FNDC7: variants seen among roughly 807,000 people sequenced by gnomAD.
FNDC7 encodes fibronectin type III domain containing 7, also known as fibronectin type III domain-containing protein 7.
In FNDC7, 66 loss-of-function variants were observed where a neutral mutation model predicts 74.2. The ratio of observed to expected loss-of-function variants is 0.89; its 90% CI spans 0.73 to 1.09. The LOEUF is 1.09. Among genes scored for constraint, FNDC7 ranks in the 50% least tolerant of loss-of-function variants. The probability of loss-of-function intolerance (pLI) is 0.00; values close to 1 mark genes in which losing one functional copy is unlikely to be tolerated. For synonymous variants in FNDC7, 307 were observed against 330.2 expected (o/e 0.93, Z 0.76); for missense variants, 829 against 893.4 (o/e 0.93, Z 0.92).
At chr1:108,713,577 A>G in intron 2 of FNDC7, 48 bp downstream of exon 2, 1 of 1,499,220 alleles carries the variant, frequency 6.7e-7, no homozygotes, top group Non-Finnish European at 9.0e-7. Flanking sequence ...TTTGATTTTA[A>G]TTTCCATTGT....
In FNDC7 at chr1:108,738,626, G is replaced by A. The variant is rs138913350; in HGVS notation, c.2170+1102G>A. Among the ~76,000 whole-genome samples the A allele has an allele frequency of 7.3e-3, 1,010 of 139,310 alleles. 11 individuals carry two copies. Among genetic ancestry groups the A allele is most frequent in the African/African-American group, 0.026 (966 of 37,116 alleles). 91.4% of individuals were successfully genotyped at this position (139,310 alleles called of 152,430 possible). On this transcript the variant is annotated intron_variant, in intron 11 of 12. Coordinates refer to ENST00000370017, the MANE Select transcript of FNDC7 (RefSeq NM_001144937.3). ...GCCTTCTTGCCCGTAAACCCCACTG[G>A]ACAGCCTTCCAGTCGGGGCTGGCTC...
chr1:108,718,186 T>C (rs1375139673), intron 3 of FNDC7, among the ~76,000 whole-genome samples, 155 bp downstream of exon 3: 1 of 152,232 alleles, frequency 6.6e-6, no homozygotes, highest in Non-Finnish European at 1.5e-5. Context: ...TGTTTGAGAA[T>C]TCAGCTATCT....
intron 6 of FNDC7, 78 bp from the exon 7 acceptor site, chr1:108,727,730 G>T: frequency 6.5e-7 from 1 of 1,543,560 alleles, no homozygotes; most frequent in Admixed American, 1.7e-5. Flanking sequence ...CTCTGGGCAT[G>T]GGAGGTCAGG....
intron 4 of FNDC7, 80 bp from the exon 5 acceptor site, chr1:108,722,255 G>T: frequency 7.3e-7 from 1 of 1,361,806 alleles, no homozygotes; most frequent in Non-Finnish European, 9.8e-7. Context: ...TTATCCTCCA[G>T]GCTCTGCAAC....
intron 7 of FNDC7, among the ~76,000 whole-genome samples, 174 bp from the exon 8 acceptor site, chr1:108,728,458 C>T (rs1474554377): frequency 6.6e-6 from 1 of 152,174 alleles, no homozygotes; most frequent in Non-Finnish European, 1.5e-5. Context: ...GAACCCAATG[C>T]CCTGTGTTAA....
intron 9 of FNDC7, among the ~76,000 whole-genome samples, chr1:108,732,430 T>A (rs1285632766): frequency 6.6e-6 from 1 of 151,990 alleles, no homozygotes; most frequent in African/African-American, 2.4e-5. Flanking sequence ...TATAAATGGC[T>A]GCACCTAAAG....
rs1442341404 is a variant in FNDC7 at position 108,742,684 on chromosome 1, T to C, written c.*797T>C. On this transcript the variant is annotated 3_prime_UTR_variant, in exon 13 of 13. Transcript: ENST00000370017. Reference sequence around the variant, plus strand: ...GCCATATCCCCCACTCATATTGTAATTACTTTTTTCATCTTTGGAGGGGGA... The same window carrying C: ...GCCATATCCCCCACTCATATTGTAACTACTTTTTTCATCTTTGGAGGGGGA... The C allele has an allele frequency of 6.6e-6, 1 of 152,198 alleles. No homozygotes were observed. Among genetic ancestry groups the C allele is most frequent in the Non-Finnish European group, 1.5e-5 (1 of 68,028 alleles). 9.4% of individuals were successfully genotyped at this position (152,198 alleles called of 1,614,324 possible).
intron 11 of FNDC7, among the ~76,000 whole-genome samples, chr1:108,741,266 AGG>A (rs1037245985): frequency 5.9e-5 from 9 of 152,026 alleles, no homozygotes; most frequent in African/African-American, 2.2e-4. Flanking sequence ...GATAGATGGG[AGG>A]GGTTTGTGCC....
In FNDC7 at chr1:108,722,316, T is replaced by C. The variant is rs777301560; in HGVS notation, c.599-19T>C. On this transcript the variant is annotated intron_variant, in intron 4 of 12. Coordinates refer to ENST00000370017, the MANE Select transcript of FNDC7 (RefSeq NM_001144937.3). Reference sequence around the variant, plus strand: ...TTGTAAGGCTACTACAAAATCTTAATTGTTTCTCTAAAATGTAGGTCCTCG... The same window carrying C: ...TTGTAAGGCTACTACAAAATCTTAACTGTTTCTCTAAAATGTAGGTCCTCG... 1 of 1,558,690 alleles carries C rather than the reference T, an allele frequency of 6.4e-7. No homozygotes were observed. The highest frequency in any genetic ancestry group is 1.2e-5 in the South Asian group (1 of 83,998).
intron 2 of FNDC7, among the ~76,000 whole-genome samples, chr1:108,717,000 T>C (rs1660990975): frequency 6.6e-6 from 1 of 152,216 alleles, no homozygotes; most frequent in Non-Finnish European, 1.5e-5. Flanking sequence ...TCCTACTCCA[T>C]ACTCCTGAGT....
At chr1:108,736,761 C>T (rs1661524354) in intron 10 of FNDC7, among the ~76,000 whole-genome samples, 1 of 152,078 alleles carries the variant, frequency 6.6e-6, no homozygotes, top group Non-Finnish European at 1.5e-5. Context: ...TGCTCAGTGT[C>T]CCTGGTAAAA....
rs1007755681 is a variant in FNDC7 at position 108,713,612 on chromosome 1, TA to T, written c.82+86del. 4 of 1,254,468 alleles carry T rather than the reference TA, an allele frequency of 3.2e-6. No individual in the cohort carries two copies. The African/African-American group carries it at 4.6e-5, about 14-fold the overall frequency. 77.7% of individuals were successfully genotyped at this position (1,254,468 alleles called of 1,614,324 possible). On this transcript the variant is annotated intron_variant, in intron 2 of 12. Transcript: ENST00000370017. Reference sequence around the variant, plus strand: ...TTAATTCACGGGCTACCCTGAAATCTAAAGGCTATATGAGAAAAAAAAATTC... The same window carrying T: ...TTAATTCACGGGCTACCCTGAAATCTAAGGCTATATGAGAAAAAAAAATTC...
Position 108,719,864 on chromosome 1 carries a change from C to T in FNDC7, c.598+815C>T, listed in dbSNP as rs74353990. 8.5e-3 allele frequency among the ~76,000 whole-genome samples: 1,300 copies of T among 152,112 alleles called. 17 individuals carry two copies. The highest frequency in any genetic ancestry group is 0.029 in the African/African-American group (1,204 of 41,464). On this transcript the variant is annotated intron_variant, in intron 4 of 12. Transcript: ENST00000370017. ...TACATAGATAGGAGACTCTCACCAA[C>T]CAGATTAGCTGTTTCTCCACTTGGG...
At position 108,725,831 on chromosome 1, in the gene FNDC7, G is replaced by A. The variant is rs144831878; in HGVS notation, c.938G>A (p.Gly313Asp). The A allele has an allele frequency of 1.7e-5, 27 of 1,611,340 alleles. No homozygotes were observed. The African/African-American group carries it at 3.1e-4, about 19-fold the overall frequency. Residue 313 changes from glycine to aspartate, a missense_variant, in exon 6 of 13, where the codon GGT (glycine) becomes GAT (aspartate). Gly to Asp is a moderately conservative substitution (Grantham distance 94). Transcript: ENST00000370017. ...GTGGCTTGGTCCAGTGTAGATCTGG[G>A]TGACTACTATGTGGTCTTTGTGAAG... Reference protein sequence around the residue: ...LSVAWSSVDLGDYYVVFVKSD... With the variant: ...LSVAWSSVDLDDYYVVFVKSD...
At chr1:108,739,258 G>T (rs190022998) in intron 11 of FNDC7, among the ~76,000 whole-genome samples, 155 of 152,272 alleles carry the variant, frequency 1.0e-3, no homozygotes, top group African/African-American at 3.5e-3. Context: ...TCAGCACTTT[G>T]GGAGACCAAA....
chr1:108,718,939 C>T lies in FNDC7; in HGVS notation c.488C>T (p.Thr163Ile), dbSNP rs745799931. ...ATATGGAAAGAGAATACTACAAACA[C>T]CTCCTTGACATTCACCAGTTTAGAA... ...GSIWKENTTNTSLTFTSLEAG... is the reference protein window; with the variant it reads ...GSIWKENTTNISLTFTSLEAG... The change falls in exon 4 of 13, where the codon ACC (threonine) becomes ATC (isoleucine). Residue 163 changes from threonine to isoleucine, a missense_variant. By Grantham distance (89) the Thr-to-Ile change is moderately conservative (BLOSUM62 -1). Transcript: ENST00000370017. 5 of 1,551,652 alleles carry T rather than the reference C, an allele frequency of 3.2e-6. No homozygotes were observed. The African/African-American group carries it at 5.5e-5, about 17-fold the overall frequency.
intron 11 of FNDC7, among the ~76,000 whole-genome samples, chr1:108,741,191 T>A (rs959653978): frequency 6.6e-6 from 1 of 151,984 alleles, no homozygotes; most frequent in African/African-American, 2.4e-5. Flanking sequence ...GGAAATTTGA[T>A]GCAAGTTGGA....
intron 5 of FNDC7, among the ~76,000 whole-genome samples, chr1:108,724,693 G>A (rs1661167752): frequency 6.6e-6 from 1 of 151,752 alleles, no homozygotes; most frequent in African/African-American, 2.4e-5. Flanking sequence ...GGCAGAGGTT[G>A]CAGTGAGCTG....
intron 2 of FNDC7, among the ~76,000 whole-genome samples, chr1:108,716,328 T>G (rs1290571791): frequency 4.5e-4 from 37 of 82,820 alleles, no homozygotes; most frequent in African/African-American, 1.3e-3. Context: ...GAGGTGTGTG[T>G]GTGTGTGTGT....
Sources: gnomAD v4.1 joint callset for allele counts (sites outside exome capture counted in the v4.1 genomes callset) on GRCh38, gnomAD v4.1.1 for gene constraint, MANE v1.5 for transcripts, NCBI Gene and HGNC (gene_info 2026-07-23, HGNC 2026-07-21) for gene names.